REPS2: variants seen among roughly 807,000 people sequenced by gnomAD.
The protein encoded by REPS2 is RALBP1 associated Eps domain containing 2, also known as ralBP1-associated Eps domain-containing protein 2.
A neutral mutation model predicts 53.6 loss-of-function variants in REPS2; 23 were observed. The observed-to-expected ratio is 0.43, with a 90% CI of 0.31 to 0.61. The LOEUF is 0.61. Ranked by LOEUF, REPS2 falls within the 20% of genes least tolerant of loss-of-function variation. The pLI is 0.11. For missense variants in REPS2, 446 were observed against 534.9 expected, an observed-to-expected ratio of 0.83 and a Z score of 1.64; for synonymous variants, 238 against 218.6, an observed-to-expected ratio of 1.09 and a Z score of -0.78.
At chrX:17,078,109 C>T (rs961104945) in intron 13 of REPS2, among the ~76,000 whole-genome samples, 1 of 112,211 alleles carries the variant, frequency 8.9e-6, no homozygotes, top group Admixed American at 9.4e-5. Context: ...GGGAGGCATG[C>T]CTTTGCTTTA....
At chrX:16,955,924 A>T (rs1246824406) in intron 1 of REPS2, among the ~76,000 whole-genome samples, 1 of 112,609 alleles carries the variant, frequency 8.9e-6, no homozygotes, top group African/African-American at 3.2e-5. Context: ...TTGCTCAGCC[A>T]CTAATTTAGA....
intron 1 of REPS2, among the ~76,000 whole-genome samples, chrX:17,002,869 G>C (rs2061324081): frequency 8.9e-6 from 1 of 111,981 alleles, no homozygotes; most frequent in African/African-American, 3.3e-5. Flanking sequence ...AGCAGGAAGG[G>C]AACAGAGAAA....
chrX:17,099,756 G>C (rs1251537905), intron 13 of REPS2: 12 of 539,360 alleles, frequency 2.2e-5, no homozygotes, highest in Non-Finnish European at 1.4e-5. Flanking sequence ...AGATGTGATA[G>C]AGGCTGGTAC....
At position 17,147,679 on chromosome X, in the gene REPS2, C is replaced by T; in HGVS notation, c.*198C>T. 1 of 329,216 alleles carries T rather than the reference C, an allele frequency of 3.0e-6. No homozygotes were observed. Among genetic ancestry groups the T allele is most frequent in the Non-Finnish European group, 5.3e-6 (1 of 187,705 alleles). 27.1% of individuals were successfully genotyped at this position (329,216 alleles called of 1,213,427 possible). A position where few individuals can be genotyped will look rare whatever the true frequency, so the allele number is the denominator to read the frequency against. On this transcript the variant is annotated 3_prime_UTR_variant, in exon 18 of 18. Coordinates refer to ENST00000357277, the MANE Select transcript of REPS2 (RefSeq NM_004726.3). ...TGGAAAAAATACTTCAACTGATTAT[C>T]ACACTTGAAATGCTAATTATCAGTG...
In REPS2 at chrX:17,099,931, C is replaced by T. The variant is rs150329226; in HGVS notation, c.1517-3787C>T. ...TTCCCTTTCATCAGGAACATGAGCT[C>T]TCCACTGGAGTCTGTAGCTCCAATA... On this transcript the variant is annotated intron_variant, in intron 13 of 17. Transcript: ENST00000357277. 1.6e-3 allele frequency: 1,819 copies of T among 1,131,004 alleles called. 19 individuals are homozygous for T. The African/African-American group carries it at 0.028, about 17-fold the overall frequency. The allele number at this position is 1,131,004 out of a possible 1,213,427, so 93.2% of individuals were successfully genotyped here. A position where few individuals can be genotyped will look rare whatever the true frequency, so the allele number is the denominator to read the frequency against.
chrX:17,138,824 T>G, intron 16 of REPS2, 32 bp from the exon 17 acceptor site: 1 of 1,035,514 alleles, frequency 9.7e-7, no homozygotes, highest in Non-Finnish European at 1.3e-6. Flanking sequence ...CTCTAAGTCC[T>G]TTTTCACTGA....
intron 13 of REPS2, among the ~76,000 whole-genome samples, chrX:17,086,890 C>T (rs1264854047): frequency 8.9e-6 from 1 of 112,052 alleles, no homozygotes; most frequent in Non-Finnish European, 1.9e-5. Flanking sequence ...ATTTAATGAG[C>T]ATTTACTGGG....
chrX:17,119,868 C>CT (rs35141257), intron 14 of REPS2, among the ~76,000 whole-genome samples: 13,448 of 40,509 alleles, frequency 0.33, 3,446 homozygotes, highest in African/African-American at 0.39. Flanking sequence ...CGCACTGTGA[C>CT]TTTTTTTTTT....
chrX:17,105,306 C>T (rs966561905), intron 14 of REPS2, among the ~76,000 whole-genome samples: 1 of 111,925 alleles, frequency 8.9e-6, no homozygotes, highest in Non-Finnish European at 1.9e-5. Flanking sequence ...TGGACTTGGT[C>T]ACAACAAAAT....
intron 1 of REPS2, among the ~76,000 whole-genome samples, chrX:16,993,922 G>A (rs1426516976): frequency 1.8e-5 from 2 of 112,861 alleles, no homozygotes; most frequent in East Asian, 5.6e-4. Context: ...ATATTGTGTA[G>A]CTACATCTTT....
intron 8 of REPS2, among the ~76,000 whole-genome samples, chrX:17,062,121 T>C (rs1384667743): frequency 8.9e-6 from 1 of 112,593 alleles, no homozygotes; most frequent in Non-Finnish European, 1.9e-5. Flanking sequence ...TGCTATAACA[T>C]GAAGTGTTCA....
At chrX:17,024,983 C>T (rs1225254293) in intron 3 of REPS2, 76 bp from the exon 4 acceptor site, 5 of 1,191,487 alleles carry the variant, frequency 4.2e-6, no homozygotes, top group Non-Finnish European at 3.4e-6. Context: ...AGTAGAGTTG[C>T]GTTATGCTTC....
intron 13 of REPS2, among the ~76,000 whole-genome samples, chrX:17,084,668 G>A: frequency 8.9e-6 from 1 of 112,150 alleles, no homozygotes; most frequent in Non-Finnish European, 1.9e-5. Context: ...ATCTTTTCAT[G>A]TACTTATTGG....
chrX:17,021,902 C>A (rs1423020169), intron 2 of REPS2, among the ~76,000 whole-genome samples: 1 of 112,146 alleles, frequency 8.9e-6, no homozygotes, highest in Non-Finnish European at 1.9e-5. Flanking sequence ...TGCGATTTGG[C>A]AACATTGAAA....
chrX:16,963,633 G>T (rs940443051), intron 1 of REPS2, among the ~76,000 whole-genome samples: 1 of 112,361 alleles, frequency 8.9e-6, no homozygotes, highest in Non-Finnish European at 1.9e-5. Flanking sequence ...TTCCTTTGCA[G>T]GTCAGGTCAA....
At chrX:17,081,297 T>C (rs1363809955) in intron 13 of REPS2, among the ~76,000 whole-genome samples, 1 of 109,679 alleles carries the variant, frequency 9.1e-6, no homozygotes, top group Non-Finnish European at 1.9e-5. Flanking sequence ...GAAAGGAAAA[T>C]GAAGGGAAAG....
intron 2 of REPS2, among the ~76,000 whole-genome samples, chrX:17,007,498 G>A (rs2061376641): frequency 8.9e-6 from 1 of 111,960 alleles, no homozygotes; most frequent in South Asian, 3.7e-4. Flanking sequence ...GACCCTCCAG[G>A]GCAGCTGCCC....
At chrX:16,963,134 G>A (rs748761455) in intron 1 of REPS2, among the ~76,000 whole-genome samples, 1 of 111,466 alleles carries the variant, frequency 9.0e-6, no homozygotes, top group Non-Finnish European at 1.9e-5. Context: ...AGTTGTATGT[G>A]TATATGTATA....
At chrX:16,968,250 C>G (rs1312657503) in intron 1 of REPS2, among the ~76,000 whole-genome samples, 1 of 111,943 alleles carries the variant, frequency 8.9e-6, no homozygotes. Context: ...TCTTTCTACA[C>G]AGACACGGCA....
Sources: gnomAD v4.1 joint callset for allele counts (sites outside exome capture counted in the v4.1 genomes callset) on GRCh38, gnomAD v4.1.1 for gene constraint, MANE v1.5 for transcripts, NCBI Gene and HGNC (gene_info 2026-07-23, HGNC 2026-07-21) for gene names.